ERGIC1: variants seen among roughly 807,000 people sequenced by gnomAD.
ERGIC1 encodes the protein endoplasmic reticulum-golgi intermediate compartment 1.
Under a neutral mutation model 38.3 loss-of-function variants are expected in ERGIC1, and 19 were observed. The ratio of observed to expected loss-of-function variants is 0.50; its 90% confidence interval spans 0.35 to 0.73. The LOEUF is 0.73. ERGIC1 is among the 30% of genes least tolerant of loss of function. ERGIC1 has a pLI of 0.01. For synonymous variants in ERGIC1, 124 were observed against 157.6 expected (o/e 0.79, Z 1.60); for missense variants, 294 against 389.2 (o/e 0.76, Z 2.06).
intron 1 of ERGIC1, among the ~76,000 whole-genome samples, chr5:172,875,917 C>T (rs555905733): frequency 1.6e-4 from 25 of 152,230 alleles, no homozygotes; most frequent in Non-Finnish European, 3.2e-4. Flanking sequence ...GTAGAATGCC[C>T]GCATTATGGA....
At chr5:172,883,656 T>C (rs968780299) in intron 1 of ERGIC1, among the ~76,000 whole-genome samples, 3 of 152,206 alleles carry the variant, frequency 2.0e-5, no homozygotes, top group African/African-American at 7.2e-5. Context: ...TGTGTCTCCA[T>C]GCTTCCGGTG....
At chr5:172,848,717 G>T (rs1761336841) in intron 1 of ERGIC1, among the ~76,000 whole-genome samples, 1 of 152,232 alleles carries the variant, frequency 6.6e-6, no homozygotes, top group Admixed American at 6.5e-5. Flanking sequence ...AATGAAGGAA[G>T]TAGAGAGACA....
At chr5:172,945,672 GTTTTAT>G (rs1402854980) in intron 9 of ERGIC1, among the ~76,000 whole-genome samples, 57 of 151,662 alleles carry the variant, frequency 3.8e-4, no homozygotes, top group African/African-American at 1.3e-3. Flanking sequence ...GGGTTTTGTC[GTTTTAT>G]TTTTATTTTT....
chr5:172,914,660 C>T, intron 4 of ERGIC1, 54 bp from the exon 5 acceptor site: 1 of 1,613,438 alleles, frequency 6.2e-7, no homozygotes. Flanking sequence ...AGGCTGGCCC[C>T]CATCCTCCCG....
At chr5:172,923,892 A>G (rs1364635654) in intron 5 of ERGIC1, 113 bp from the exon 6 acceptor site, 4 of 936,584 alleles carry the variant, frequency 4.3e-6, no homozygotes, top group African/African-American at 1.6e-5. Context: ...GCAGGATCCA[A>G]ACCCAGATCT....
intron 3 of ERGIC1, chr5:172,906,047 T>A: frequency 2.2e-6 from 1 of 456,176 alleles, no homozygotes; most frequent in Non-Finnish European, 4.4e-6. Flanking sequence ...TTAGGAATTC[T>A]TATTTGGCCT....
chr5:172,835,193 C>T (rs895206441), intron 1 of ERGIC1, among the ~76,000 whole-genome samples: 2 of 152,166 alleles, frequency 1.3e-5, no homozygotes, highest in African/African-American at 4.8e-5. Flanking sequence ...GGTGTGGAGC[C>T]CCAGGGGATG....
In ERGIC1 at chr5:172,841,660, T is replaced by G. The variant is rs528722869; in HGVS notation, c.20+7227T>G. On this transcript the variant is annotated intron_variant, in intron 1 of 9. Coordinates refer to ENST00000393784, the MANE Select transcript of ERGIC1 (RefSeq NM_001031711.3). ...AGCCCCTCCATGCATTAGCTTTCCT[T>G]TCTCAGATTCTGGTCTGGGTCTTGA... is the stretch of plus-strand genomic sequence containing the variant. 1.8e-4 allele frequency among the ~76,000 whole-genome samples: 28 copies of G among 152,324 alleles called. No homozygotes were observed. In the South Asian group the frequency reaches 5.4e-3, roughly 29 times the overall value.
At chr5:172,921,290 C>A (rs552815309) in intron 5 of ERGIC1, among the ~76,000 whole-genome samples, 8 of 152,356 alleles carry the variant, frequency 5.3e-5, no homozygotes, top group African/African-American at 1.9e-4. Context: ...TTATTGGGTC[C>A]CTGAAGCAGG....
At chr5:172,863,376 G>A (rs1052344634) in intron 1 of ERGIC1, among the ~76,000 whole-genome samples, 4 of 152,192 alleles carry the variant, frequency 2.6e-5, no homozygotes, top group African/African-American at 9.6e-5. Context: ...CACTTCTTCT[G>A]TGGGTGATTT....
chr5:172,910,453 G>T (rs114221116), intron 4 of ERGIC1, among the ~76,000 whole-genome samples: 273 of 152,178 alleles, frequency 1.8e-3, no homozygotes, highest in African/African-American at 6.3e-3. Context: ...CTGCAACAGT[G>T]AAGGGCTGGG....
intron 8 of ERGIC1, chr5:172,933,712 C>T (rs2113470329): frequency 6.6e-6 from 1 of 152,316 alleles, no homozygotes; most frequent in East Asian, 1.9e-4. Context: ...ATGCTCATAG[C>T]AGCTAACAGA....
chr5:172,893,941 A>ATATATATATATATATG (rs1259799557), intron 2 of ERGIC1, among the ~76,000 whole-genome samples: 18 of 38,668 alleles, frequency 4.7e-4, no homozygotes, highest in African/African-American at 9.1e-4. Flanking sequence ...GTGTGTATAT[A>ATATATATATATATATG]TATATATATA....
rs1554110394 is a variant in ERGIC1, at chr5:172,893,905, A to ATGTGTG, written c.83-3071_83-3066dup. ...TATATATATATATATATATATATAT[A>ATGTGTG]TGTGTGTGTGTGTGTGTGTGTGTGT... On this transcript the variant is annotated intron_variant, in intron 2 of 9. Coordinates refer to ENST00000393784, the MANE Select transcript of ERGIC1 (RefSeq NM_001031711.3). 7.1e-3 allele frequency among the ~76,000 whole-genome samples: 110 copies of ATGTGTG among 15,514 alleles called. 9 individuals are homozygous for ATGTGTG. The highest frequency in any genetic ancestry group is 9.1e-3 in the Non-Finnish European group (43 of 4,706). The allele number at this position is 15,514 out of a possible 152,430, so 10.2% of individuals were successfully genotyped here. A position where few individuals can be genotyped will look rare whatever the true frequency, so the allele number is the denominator to read the frequency against.
chr5:172,871,119 G>A (rs1396314669), intron 1 of ERGIC1, among the ~76,000 whole-genome samples: 2 of 152,230 alleles, frequency 1.3e-5, no homozygotes, highest in African/African-American at 4.8e-5. Flanking sequence ...CATCGCATGT[G>A]CCCGGTAGTA....
intron 1 of ERGIC1, among the ~76,000 whole-genome samples, chr5:172,856,168 C>T (rs746856349): frequency 6.6e-6 from 1 of 152,156 alleles, no homozygotes; most frequent in South Asian, 2.1e-4. Context: ...GGGTGGGCAG[C>T]ACGTCATTCC....
At chr5:172,945,321 TA>T in intron 9 of ERGIC1, among the ~76,000 whole-genome samples, 1 of 152,326 alleles carries the variant, frequency 6.6e-6, no homozygotes, top group Non-Finnish European at 1.5e-5. Context: ...GGTTGCTGTG[TA>T]ACTTCAGAGG....
At position 172,950,701 on chromosome 5, in the gene ERGIC1, T is replaced by G; in HGVS notation, c.766-8T>G. 2 of 1,595,296 alleles carry G rather than the reference T, an allele frequency of 1.3e-6. No homozygotes were observed. Among genetic ancestry groups the G allele is most frequent in the African/African-American group, 1.3e-5 (1 of 74,666 alleles). Reference sequence around the variant, plus strand: ...TGACACTCCCACCCCACCCCTGCCCTCTTGCAGATCTGTGCCATCATTGGC... The same window carrying G: ...TGACACTCCCACCCCACCCCTGCCCGCTTGCAGATCTGTGCCATCATTGGC... On this transcript the variant is annotated splice_region_variant and splice_polypyrimidine_tract_variant and intron_variant, in intron 9 of 9. Coordinates refer to ENST00000393784, the MANE Select transcript of ERGIC1 (RefSeq NM_001031711.3).
intron 3 of ERGIC1, 94 bp downstream of exon 3, chr5:172,897,168 C>A: frequency 8.3e-7 from 1 of 1,200,640 alleles, no homozygotes; most frequent in Non-Finnish European, 1.2e-6. Context: ...GTGGCTAACA[C>A]CTGTAATCCC....
Sources: allele counts gnomAD v4.1 joint callset (sites outside exome capture counted in the v4.1 genomes callset), GRCh38; gene constraint gnomAD v4.1.1; transcripts MANE v1.5; gene names NCBI Gene and HGNC (gene_info 2026-07-23, HGNC 2026-07-21).